Variants in RNF13 observed in about 807,000 individuals in gnomAD.
RNF13 encodes the protein E3 ubiquitin-protein ligase RNF13.
Under a neutral mutation model 37.7 loss-of-function variants are expected in RNF13, and 19 were observed. The observed-to-expected ratio is 0.50, with a 90% confidence interval of 0.35 to 0.74. The LOEUF (loss-of-function observed/expected upper bound fraction) is 0.74, where lower values mean the gene tolerates loss of function less well. Ranked by LOEUF, RNF13 falls within the 30% of genes least tolerant of loss-of-function variation. The pLI is 0.01. For missense variants in RNF13, 375 were observed against 453.0 expected, an observed-to-expected ratio of 0.83 and a Z score of 1.56; for synonymous variants, 144 against 157.8, an observed-to-expected ratio of 0.91 and a Z score of 0.65.
At chr3:149,885,091 T>G (rs927962372) in intron 4 of RNF13, among the ~76,000 whole-genome samples, 13 of 152,200 alleles carry the variant, frequency 8.5e-5, no homozygotes, top group Non-Finnish European at 1.2e-4. Flanking sequence ...AGTACTCCAT[T>G]GTGTCTAAGT....
intron 8 of RNF13, among the ~76,000 whole-genome samples, chr3:149,952,550 AAAAAGAATAAT>A (rs1721444829): frequency 6.6e-6 from 1 of 152,164 alleles, no homozygotes; most frequent in Admixed American, 6.5e-5. Flanking sequence ...TAGTGGCCTG[AAAAAGAATAAT>A]AAAAGAATAA....
chr3:149,942,415 C>G (rs1720367695), intron 8 of RNF13, among the ~76,000 whole-genome samples: 1 of 152,080 alleles, frequency 6.6e-6, no homozygotes, highest in Non-Finnish European at 1.5e-5. Flanking sequence ...TTTTAATAAG[C>G]TCAAGCTTAT....
intron 2 of RNF13, among the ~76,000 whole-genome samples, chr3:149,847,959 A>T (rs997457673): frequency 6.6e-5 from 10 of 152,204 alleles, no homozygotes; most frequent in Non-Finnish European, 2.9e-5. Flanking sequence ...ACTTAAGCAG[A>T]TATATAACCT....
chr3:149,937,315 G>C (rs563657883), intron 8 of RNF13, among the ~76,000 whole-genome samples: 1 of 152,122 alleles, frequency 6.6e-6, no homozygotes, highest in Non-Finnish European at 1.5e-5. Flanking sequence ...GTTTCTCCAG[G>C]ATAGGAACCG....
intron 8 of RNF13, among the ~76,000 whole-genome samples, chr3:149,954,101 TATC>T (rs1465263510): frequency 2.0e-5 from 3 of 152,178 alleles, no homozygotes; most frequent in African/African-American, 4.8e-5. Context: ...ATTTTTTGGT[TATC>T]ATGAGATTTG....
chr3:149,831,820 C>T (rs571639638), intron 1 of RNF13, among the ~76,000 whole-genome samples: 2 of 152,086 alleles, frequency 1.3e-5, no homozygotes, highest in African/African-American at 4.8e-5. Flanking sequence ...TGCCAGAATT[C>T]CTGGAAATCT....
At chr3:149,835,643 GTGTGTGTGTGTGTGTGTGTGTGTT>G (rs1340472624) in intron 1 of RNF13, among the ~76,000 whole-genome samples, 5 of 150,196 alleles carry the variant, frequency 3.3e-5, no homozygotes, top group African/African-American at 1.2e-4. Flanking sequence ...TTGTGTGTGT[GTGTGTGTGTGTGTGTGTGTGTGTT>G]TGTGTGTGTG....
intron 8 of RNF13, among the ~76,000 whole-genome samples, chr3:149,928,156 A>C (rs1718830388): frequency 6.6e-6 from 1 of 151,958 alleles, no homozygotes; most frequent in South Asian, 2.1e-4. Flanking sequence ...TTCCTATCAA[A>C]ATTCCAAGAA....
At position 149,960,606 on chromosome 3, in the gene RNF13, A is replaced by C. The variant is rs1023075680; in HGVS notation, c.782-134A>C. On this transcript the variant is annotated intron_variant, in intron 9 of 9. Transcript: ENST00000392894. ...GACTCCATCTCAAAAAAAAATAAAA[A>C]TAAAAATAAAAAATAAACTTTCTTC... The C allele has an allele frequency of 3.4e-6, 3 of 888,182 alleles. No homozygotes were observed. In the African/African-American group the frequency reaches 5.2e-5, roughly 15 times the overall value. 55.0% of individuals were successfully genotyped at this position (888,182 alleles called of 1,614,324 possible).
chr3:149,838,209 A>C (rs187429842), intron 1 of RNF13, among the ~76,000 whole-genome samples: 1 of 152,236 alleles, frequency 6.6e-6, no homozygotes, highest in East Asian at 1.9e-4. Context: ...GGCTGCTTTC[A>C]TGGGCTGGCG....
At chr3:149,817,337 G>A (rs1719567765) in intron 1 of RNF13, 1 of 152,074 alleles carries the variant, frequency 6.6e-6, no homozygotes, top group East Asian at 1.9e-4. Flanking sequence ...GTAGTGGGGA[G>A]GAAAAACTTT....
rs1176063549 is a variant in RNF13 at position 149,882,275 on chromosome 3, C to T, written c.321+10121C>T. The stretch of plus-strand genomic sequence containing the variant: ...TAAAGTAAAATTTCCTGTGTGCTTT[C>T]GTGGAGGGTGGGTGGGGGAGGGGGT... On this transcript the variant is annotated intron_variant, in intron 4 of 9. Coordinates refer to ENST00000392894, the MANE Select transcript of RNF13 (RefSeq NM_183381.3). Among the ~76,000 whole-genome samples, 17 of 54,220 alleles carry T rather than the reference C, an allele frequency of 3.1e-4. No individual in the cohort carries two copies. The Admixed American group carries it at 5.5e-3, about 18-fold the overall frequency. The allele number at this position is 54,220 out of a possible 152,430, so 35.6% of individuals were successfully genotyped here.
intron 6 of RNF13, among the ~76,000 whole-genome samples, chr3:149,911,701 C>T (rs939477883): frequency 2.6e-5 from 4 of 151,810 alleles, no homozygotes; most frequent in Middle Eastern, 3.4e-3. Flanking sequence ...AATAACATAT[C>T]TCCAGGATAG....
At chr3:149,856,736 C>A (rs1723690315) in intron 3 of RNF13, among the ~76,000 whole-genome samples, 1 of 151,976 alleles carries the variant, frequency 6.6e-6, no homozygotes, top group African/African-American at 2.4e-5. Context: ...AGCTACTGCA[C>A]CTGGCCAAAA....
chr3:149,865,474 G>GT (rs1559915883), intron 3 of RNF13, among the ~76,000 whole-genome samples: 7 of 151,232 alleles, frequency 4.6e-5, no homozygotes, highest in Non-Finnish European at 1.5e-5. Flanking sequence ...CTCCTGTTTC[G>GT]TTTTTTTGAG....
chr3:149,832,586 G>A (rs1028881172), intron 1 of RNF13, among the ~76,000 whole-genome samples: 1 of 151,930 alleles, frequency 6.6e-6, no homozygotes, highest in Non-Finnish European at 1.5e-5. Context: ...AGAAAACTCA[G>A]CCAAACCAAC....
At chr3:149,896,349 A>G (rs1220934995) in intron 5 of RNF13, among the ~76,000 whole-genome samples, 2 of 152,234 alleles carry the variant, frequency 1.3e-5, no homozygotes, top group Non-Finnish European at 2.9e-5. Flanking sequence ...AGACTGATAG[A>G]AAACACTGGA....
At position 149,961,513 on chromosome 3, in the gene RNF13, T is replaced by C. The variant is rs564323798; in HGVS notation, c.*409T>C. The C allele has an allele frequency of 2.2e-5, 7 of 320,066 alleles. No individual in the cohort carries two copies. The highest frequency in any genetic ancestry group is 4.2e-5 in the Non-Finnish European group (7 of 166,284). The allele number at this position is 320,066 out of a possible 1,614,324, so 19.8% of individuals were successfully genotyped here. A position where few individuals can be genotyped will look rare whatever the true frequency, so the allele number is the denominator to read the frequency against. ...CATAAAGTTACCTAGAGTTGTTGAGTTGGAATATGTTCTGGCATTTACCTG... is the reference window on the plus strand; with the variant it reads ...CATAAAGTTACCTAGAGTTGTTGAGCTGGAATATGTTCTGGCATTTACCTG... On this transcript the variant is annotated 3_prime_UTR_variant, in exon 10 of 10. Transcript: ENST00000392894.
chr3:149,916,767 C>A (rs1248779709), intron 7 of RNF13, among the ~76,000 whole-genome samples: 3 of 152,078 alleles, frequency 2.0e-5, no homozygotes, highest in Admixed American at 6.6e-5. Flanking sequence ...AAAATATAGA[C>A]TAAAAACTTA....
Sources: allele counts gnomAD v4.1 joint callset (sites outside exome capture counted in the v4.1 genomes callset), GRCh38; gene constraint gnomAD v4.1.1; transcripts MANE v1.5; gene names NCBI Gene and HGNC (gene_info 2026-07-23, HGNC 2026-07-21).